PAPPA2: variants seen among roughly 807,000 people sequenced by gnomAD.
The protein encoded by PAPPA2 is pappalysin-2.
In PAPPA2, 86 loss-of-function variants were observed where a neutral mutation model predicts 176.4. The observed-to-expected ratio is 0.49, with a 90% CI of 0.41 to 0.58. The LOEUF is 0.58. Among genes scored for constraint, PAPPA2 ranks in the 20% least tolerant of loss-of-function variants. The probability of loss-of-function intolerance (pLI) is 0.00; values close to 1 mark genes in which losing one functional copy is unlikely to be tolerated. For synonymous variants in PAPPA2, 809 were observed against 852.2 expected (o/e 0.95, Z 0.88); for missense variants, 2,073 against 2,256.9 (o/e 0.92, Z 1.65).
At chr1:176,794,779 C>T (rs1229947821) in intron 20 of PAPPA2, among the ~76,000 whole-genome samples, 1 of 55,472 alleles carries the variant, frequency 1.8e-5, no homozygotes, top group South Asian at 5.5e-4. Context: ...GAGACAAGGG[C>T]ATGCTGGATG....
At chr1:176,762,139 C>T (rs1369456644) in intron 14 of PAPPA2, among the ~76,000 whole-genome samples, 1 of 151,940 alleles carries the variant, frequency 6.6e-6, no homozygotes, top group Non-Finnish European at 1.5e-5. Flanking sequence ...ACTCTGTCCT[C>T]ATAAAACAAA....
At chr1:176,522,629 G>A (rs1404785037) in intron 1 of PAPPA2, among the ~76,000 whole-genome samples, 2 of 152,184 alleles carry the variant, frequency 1.3e-5, no homozygotes, top group East Asian at 1.9e-4. Context: ...GCCCAGTGCT[G>A]TTCTCTCTCT....
At chr1:176,679,974 G>T (rs971641037) in intron 4 of PAPPA2, among the ~76,000 whole-genome samples, 36 of 152,112 alleles carry the variant, frequency 2.4e-4, no homozygotes, top group Admixed American at 1.6e-3. Context: ...TTTCTCACTT[G>T]GAAAGAGATT....
intron 2 of PAPPA2, among the ~76,000 whole-genome samples, chr1:176,559,693 C>T (rs778121974): frequency 1.3e-5 from 2 of 152,208 alleles, no homozygotes; most frequent in African/African-American, 2.4e-5. Flanking sequence ...CTGGCCTTCA[C>T]CTATGCAGAA....
Position 176,734,393 on chromosome 1 carries a change from A to AACAC in PAPPA2, c.3799-5205_3799-5202dup, listed in dbSNP as rs34765229. Among the ~76,000 whole-genome samples the AACAC allele has an allele frequency of 5.4e-3, 789 of 147,436 alleles. 7 individuals carry two copies. The highest frequency in any genetic ancestry group is 0.04 in the East Asian group (197 of 4,934). ...TTATGAGTTGATCTCACCCTTCTGA[A>AACAC]ACACACACACACACACACACACACA... On this transcript the variant is annotated intron_variant, in intron 12 of 22. Transcript: ENST00000367662.
At position 176,496,409 on chromosome 1, in the gene PAPPA2, C is replaced by T. The variant is rs149251571; in HGVS notation, c.-917+32991C>T. Among the ~76,000 whole-genome samples, 312 of 152,248 alleles carry T rather than the reference C, an allele frequency of 2.0e-3. 2 individuals carry two copies. The highest frequency in any genetic ancestry group is 7.4e-3 in the African/African-American group (309 of 41,552). On this transcript the variant is annotated intron_variant, in intron 1 of 22. Transcript: ENST00000367662. ...ACCTTTGTCCTTGCCCAAAATTCTA[C>T]AGGCAAAAATGGGAAGAGAATGGTC... is the stretch of plus-strand genomic sequence containing the variant.
chr1:176,620,587 G>T (rs543300559), intron 3 of PAPPA2, among the ~76,000 whole-genome samples: 14 of 152,144 alleles, frequency 9.2e-5, no homozygotes, highest in Non-Finnish European at 1.6e-4. Flanking sequence ...GTTGTAGTAT[G>T]AAAGCAGTCA....
intron 21 of PAPPA2, among the ~76,000 whole-genome samples, chr1:176,813,090 C>T (rs1305548121): frequency 1.3e-5 from 2 of 152,190 alleles, no homozygotes; most frequent in Non-Finnish European, 2.9e-5. Flanking sequence ...TGGCTTCCAA[C>T]TCCATCTGTG....
intron 1 of PAPPA2, among the ~76,000 whole-genome samples, chr1:176,492,596 C>T (rs1409335822): frequency 6.6e-6 from 1 of 152,186 alleles, no homozygotes; most frequent in Non-Finnish European, 1.5e-5. Context: ...TACATAGCAT[C>T]AGTAGCTCCT....
intron 2 of PAPPA2, among the ~76,000 whole-genome samples, chr1:176,585,887 T>A (rs988359113): frequency 2.0e-5 from 3 of 152,164 alleles, no homozygotes; most frequent in Admixed American, 6.5e-5. Flanking sequence ...TGAATTTTTT[T>A]ATTTTGTTTA....
At chr1:176,659,921 C>T (rs1658263392) in intron 3 of PAPPA2, among the ~76,000 whole-genome samples, 1 of 151,926 alleles carries the variant, frequency 6.6e-6, no homozygotes, top group African/African-American at 2.4e-5. Context: ...GCTCATTGGC[C>T]CCAATTTTTT....
At chr1:176,735,738 ATCATCTATCTG>A (rs1423407071) in intron 12 of PAPPA2, among the ~76,000 whole-genome samples, 5 of 129,654 alleles carry the variant, frequency 3.9e-5, no homozygotes, top group African/African-American at 5.9e-5. Context: ...CTATCTATCT[ATCATCTATCTG>A]TCTGTCTATC....
intron 1 of PAPPA2, among the ~76,000 whole-genome samples, chr1:176,528,692 C>T (rs1236657881): frequency 6.6e-6 from 1 of 152,186 alleles, no homozygotes; most frequent in Non-Finnish European, 1.5e-5. Context: ...GTCCAAATTT[C>T]TTAGTCTCAC....
intron 3 of PAPPA2, among the ~76,000 whole-genome samples, chr1:176,667,032 G>A (rs545548622): frequency 1.3e-5 from 2 of 152,240 alleles, no homozygotes; most frequent in African/African-American, 2.4e-5. Flanking sequence ...GATCATCTGA[G>A]GTCAGGAGTT....
intron 20 of PAPPA2, among the ~76,000 whole-genome samples, chr1:176,794,990 G>A (rs1324759406): frequency 2.0e-5 from 3 of 152,236 alleles, no homozygotes; most frequent in Admixed American, 1.3e-4. Context: ...TGGCAGTTGC[G>A]ACAGGCAGGG....
chr1:176,637,827 C>G (rs888780526), intron 3 of PAPPA2, among the ~76,000 whole-genome samples: 8 of 152,012 alleles, frequency 5.3e-5, no homozygotes, highest in Non-Finnish European at 1.0e-4. Flanking sequence ...TCTTTTGCTT[C>G]TTTTCTTATT....
chr1:176,499,699 C>T (rs1486350965), intron 1 of PAPPA2, among the ~76,000 whole-genome samples: 3 of 152,158 alleles, frequency 2.0e-5, no homozygotes, highest in African/African-American at 7.2e-5. Flanking sequence ...GAAAAGGATT[C>T]TGAGGCCAGA....
chr1:176,782,077 C>A, intron 17 of PAPPA2, among the ~76,000 whole-genome samples: 1 of 152,252 alleles, frequency 6.6e-6, no homozygotes, highest in Non-Finnish European at 1.5e-5. Flanking sequence ...GTAATTTATC[C>A]ATAGCTCCAT....
chr1:176,643,847 A>G (rs1167494923), intron 3 of PAPPA2, among the ~76,000 whole-genome samples: 1 of 151,852 alleles, frequency 6.6e-6, no homozygotes, highest in Admixed American at 6.6e-5. Flanking sequence ...TGTGCTCTCC[A>G]GAGAGAACAC....
Sources: allele counts gnomAD v4.1 joint callset (sites outside exome capture counted in the v4.1 genomes callset), GRCh38; gene constraint gnomAD v4.1.1; transcripts MANE v1.5; gene names NCBI Gene and HGNC (gene_info 2026-07-23, HGNC 2026-07-21).